The following SNAP91 variants were observed in gnomAD, a reference collection of about 807,000 sequenced individuals.
SNAP91 encodes the protein synaptosome associated protein 91.
SNAP91 carries 27 observed loss-of-function variants against 100.3 expected under a neutral mutation model. The observed-to-expected ratio is 0.27, with a 90% CI of 0.20 to 0.37. SNAP91 has a LOEUF of 0.37. Ranked by LOEUF, SNAP91 falls within the 10% of genes least tolerant of loss-of-function variation. SNAP91 has a pLI of 1.00. For missense variants in SNAP91, 986 were observed against 1,123.7 expected (o/e 0.88, Z 1.75); for synonymous variants, 404 against 398.6 (o/e 1.01, Z -0.16).
At chr6:83,581,461 CAT>C (rs1828365566) in intron 23 of SNAP91, among the ~76,000 whole-genome samples, 1 of 152,140 alleles carries the variant, frequency 6.6e-6, no homozygotes, top group South Asian at 2.1e-4. Context: ...AATGCAGACA[CAT>C]AGCATTTGCA....
intron 22 of SNAP91, among the ~76,000 whole-genome samples, chr6:83,584,730 T>A (rs1384850122): frequency 6.6e-6 from 1 of 152,138 alleles, no homozygotes; most frequent in African/African-American, 2.4e-5. Flanking sequence ...AACAACCCCA[T>A]GAGGTTCAAA....
At chr6:83,605,372 A>G (rs892289303) in intron 14 of SNAP91, among the ~76,000 whole-genome samples, 3 of 152,182 alleles carry the variant, frequency 2.0e-5, no homozygotes, top group African/African-American at 7.2e-5. Flanking sequence ...CTAGAGAACA[A>G]TTACTAAAAA....
At chr6:83,667,331 C>A (rs2098704775) in intron 2 of SNAP91, among the ~76,000 whole-genome samples, 1 of 152,046 alleles carries the variant, frequency 6.6e-6, no homozygotes, top group African/African-American at 2.4e-5. Flanking sequence ...AAACAGTTCT[C>A]ATTTTTCTAA....
intron 8 of SNAP91, among the ~76,000 whole-genome samples, chr6:83,630,380 G>A (rs1410195433): frequency 6.6e-6 from 1 of 151,912 alleles, no homozygotes; most frequent in Middle Eastern, 3.2e-3. Flanking sequence ...TTTAGGGAGG[G>A]TTTCCTCTTT....
chr6:83,658,612 A>T (rs1175101692), intron 6 of SNAP91, among the ~76,000 whole-genome samples: 1 of 152,216 alleles, frequency 6.6e-6, no homozygotes. Context: ...TCTCAAAAAA[A>T]TAAATAAATA....
chr6:83,686,039 T>C (rs922770316), intron 2 of SNAP91: 27 of 378,242 alleles, frequency 7.1e-5, no homozygotes, highest in Middle Eastern at 2.7e-3. Context: ...GTTTGGTTCA[T>C]TAAGGTACCC....
chr6:83,575,457 C>T (rs891853003), intron 25 of SNAP91: 17 of 274,056 alleles, frequency 6.2e-5, no homozygotes, highest in Middle Eastern at 2.3e-3. Context: ...CTGTACACTT[C>T]GATTTTGTTG....
intron 9 of SNAP91, 146 bp downstream of exon 9, chr6:83,623,155 A>C: frequency 1.7e-6 from 1 of 580,872 alleles, no homozygotes; most frequent in South Asian, 2.8e-5. Flanking sequence ...GGCTAGAAAC[A>C]ATAAATAAGG....
chr6:83,695,627 C>A (rs1337337551), intron 2 of SNAP91, among the ~76,000 whole-genome samples: 1 of 152,032 alleles, frequency 6.6e-6, no homozygotes, highest in Non-Finnish European at 1.5e-5. Context: ...GCCAACCCAC[C>A]CTCCCAAATA....
At chr6:83,673,186 T>C (rs1173730194) in intron 2 of SNAP91, among the ~76,000 whole-genome samples, 1 of 152,124 alleles carries the variant, frequency 6.6e-6, no homozygotes, top group African/African-American at 2.4e-5. Flanking sequence ...CTCTTTCTGT[T>C]ATGGACTGAA....
At chr6:83,619,012 C>A (rs1284809264) in intron 9 of SNAP91, among the ~76,000 whole-genome samples, 3 of 148,088 alleles carry the variant, frequency 2.0e-5, no homozygotes, top group Non-Finnish European at 3.0e-5. Flanking sequence ...CAAAACAAAA[C>A]AAAAAAACAA....
At chr6:83,635,561 T>C (rs2097403735) in intron 8 of SNAP91, among the ~76,000 whole-genome samples, 1 of 152,188 alleles carries the variant, frequency 6.6e-6, no homozygotes, top group East Asian at 1.9e-4. Flanking sequence ...ATCCCTTTAC[T>C]TTGAGGCTAT....
intron 2 of SNAP91, among the ~76,000 whole-genome samples, chr6:83,701,574 G>C (rs2099310800): frequency 6.6e-6 from 1 of 151,940 alleles, no homozygotes; most frequent in Non-Finnish European, 1.5e-5. Context: ...AGCCTCCTGA[G>C]TAGCTGGGAT....
At chr6:83,690,375 T>C (rs934226669) in intron 2 of SNAP91, 6 of 1,288,550 alleles carry the variant, frequency 4.7e-6, no homozygotes, top group East Asian at 5.5e-5. Flanking sequence ...ACTCAAAAGA[T>C]GCTGGAACAT....
Position 83,656,746 on chromosome 6 carries a change from C to T in SNAP91, c.658+8G>A, listed in dbSNP as rs1319251157. ...TCAGCCCAGACATGTTTCGGTTGTT[C>T]CACCTACCGAGTAAGTTAATAACAC... On this transcript the variant is annotated splice_region_variant and intron_variant, in intron 7 of 29. Coordinates refer to ENST00000369694, the MANE Select transcript of SNAP91 (RefSeq NM_001242792.2). 1.5e-6 allele frequency: 2 copies of T among 1,369,656 alleles called. No homozygotes were observed. Among genetic ancestry groups the T allele is most frequent in the East Asian group, 2.3e-5 (1 of 42,600 alleles). The allele number at this position is 1,369,656 out of a possible 1,614,324, so 84.8% of individuals were successfully genotyped here.
At chr6:83,590,754 C>T (rs2093629480) in intron 22 of SNAP91, among the ~76,000 whole-genome samples, 1 of 152,042 alleles carries the variant, frequency 6.6e-6, no homozygotes, top group Admixed American at 6.6e-5. Context: ...AAGCACATTA[C>T]CCTTTAAATA....
At chr6:83,698,428 G>A (rs2129036147) in intron 2 of SNAP91, among the ~76,000 whole-genome samples, 1 of 152,184 alleles carries the variant, frequency 6.6e-6, no homozygotes, top group East Asian at 1.9e-4. Context: ...GTGGCTTAGA[G>A]TCTTAGATTC....
chr6:83,668,669 G>A (rs796670427), intron 2 of SNAP91, among the ~76,000 whole-genome samples: 8 of 152,164 alleles, frequency 5.3e-5, no homozygotes, highest in African/African-American at 1.4e-4. Flanking sequence ...ATCACACACC[G>A]GGGCCTGTTG....
intron 2 of SNAP91, among the ~76,000 whole-genome samples, chr6:83,681,245 T>C (rs1041064282): frequency 6.6e-6 from 1 of 152,120 alleles, no homozygotes; most frequent in Admixed American, 6.6e-5. Flanking sequence ...TCCCACAAAA[T>C]CCTATCAAAC....
Sources: gnomAD v4.1 joint callset for allele counts (sites outside exome capture counted in the v4.1 genomes callset) on GRCh38, gnomAD v4.1.1 for gene constraint, MANE v1.5 for transcripts, NCBI Gene and HGNC (gene_info 2026-07-23, HGNC 2026-07-21) for gene names.